Variants in RANBP2 observed in about 807,000 individuals in gnomAD.
The protein encoded by RANBP2 is RAN binding protein 2, also known as E3 SUMO-protein ligase RanBP2.
Under a neutral mutation model 303.6 loss-of-function variants are expected in RANBP2, and 57 were observed. The ratio of observed to expected loss-of-function variants is 0.19; its 90% CI spans 0.15 to 0.23. The LOEUF (loss-of-function observed/expected upper bound fraction) is 0.23. RANBP2 is among the 10% of genes least tolerant of loss of function. The pLI, the probability that RANBP2 is intolerant of heterozygous loss-of-function variation, is 1.00. For missense variants in RANBP2, 3,138 were observed against 3,780.8 expected (o/e 0.83, Z 4.46); for synonymous variants, 1,167 against 1,301.5 (o/e 0.90, Z 2.23).
At chr2:109,512,426 C>G in the RANBP2 span, among the ~76,000 whole-genome samples, 1 of 152,160 alleles carries the variant, frequency 6.6e-6, no homozygotes, top group Non-Finnish European at 1.5e-5. Flanking sequence ...CCTCCTGAGT[C>G]AAGCTCCAGG....
the RANBP2 span, among the ~76,000 whole-genome samples, chr2:109,267,014 A>G: frequency 7.9e-5 from 12 of 152,304 alleles, no homozygotes; most frequent in Non-Finnish European, 7.3e-5. Flanking sequence ...AGAACAAACA[A>G]TAATACCTGC....
the RANBP2 span, among the ~76,000 whole-genome samples, chr2:109,666,416 T>A: frequency 2.0e-5 from 3 of 152,206 alleles, no homozygotes; most frequent in Non-Finnish European, 4.4e-5. Flanking sequence ...ATGATAAATT[T>A]AAGGGCATAG....
chr2:109,134,108 TG>T, the RANBP2 span, among the ~76,000 whole-genome samples: 1 of 152,236 alleles, frequency 6.6e-6, no homozygotes, highest in Non-Finnish European at 1.5e-5. Flanking sequence ...TGCTGCATGC[TG>T]GGCACTTTGA....
chr2:109,320,077 T>C, the RANBP2 span, among the ~76,000 whole-genome samples: 2 of 152,220 alleles, frequency 1.3e-5, no homozygotes, highest in African/African-American at 2.4e-5. Context: ...GGGTGGCCTC[T>C]TATGGTCCCT....
chr2:109,511,529 T>G, the RANBP2 span, among the ~76,000 whole-genome samples: 1 of 152,216 alleles, frequency 6.6e-6, no homozygotes, highest in African/African-American at 2.4e-5. Flanking sequence ...TGAAGGTGCC[T>G]GGACCACATG....
At position 108,735,752 on chromosome 2, in the gene RANBP2, A is replaced by G. The variant is rs749468756; in HGVS notation, c.626A>G (p.Gln209Arg). ...TTAGAATGGAATTCGTGTGTTGTAC[A>G]GACCCTTAAGGTAGATAAAAGCTAT... ...SSLEWNSCVV[Q>R]TLKEYLESLQ... The change falls in exon 5 of 29, where the codon CAG (glutamine) becomes CGG (arginine). Residue 209 changes from glutamine to arginine, a missense_variant. This residue lies in a region of RANBP2 where 306 missense variants were observed against 381.9 expected (regional missense o/e 0.80). Coordinates refer to ENST00000283195, the MANE Select transcript of RANBP2 (RefSeq NM_006267.5). The G allele has an allele frequency of 6.3e-7, 1 of 1,597,624 alleles. No homozygotes were observed. Among genetic ancestry groups the G allele is most frequent in the Non-Finnish European group, 8.5e-7 (1 of 1,179,788 alleles).
chr2:109,450,156 G>C, the RANBP2 span, among the ~76,000 whole-genome samples: 2 of 151,972 alleles, frequency 1.3e-5, no homozygotes, highest in South Asian at 4.2e-4. Context: ...AACCAGCCTG[G>C]CCAACATGGC....
In RANBP2 at chr2:108,783,778, T is replaced by C. The variant is rs749026867; in HGVS notation, c.9552T>C (p.Phe3184=). 1.2e-5 allele frequency: 20 copies of C among 1,612,526 alleles called. No individual in the cohort carries two copies. Among genetic ancestry groups the C allele is most frequent in the East Asian group, 2.2e-5 (1 of 44,826 alleles). The change falls in exon 29 of 29, where the codon TTT becomes TTC. Residue 3184 remains phenylalanine, a synonymous_variant. Coordinates refer to ENST00000283195, the MANE Select transcript of RANBP2 (RefSeq NM_006267.5). ...ITLKKAEHLD[F]KHVVFGFVKD... ...TGAAGAAAGCAGAACATTTGGACTTTAAGCATGTAGTATTTGGGTTTGTTA... is the reference window on the plus strand; with the variant it reads ...TGAAGAAAGCAGAACATTTGGACTTCAAGCATGTAGTATTTGGGTTTGTTA...
the RANBP2 span, among the ~76,000 whole-genome samples, chr2:109,262,941 TTC>T: frequency 6.6e-6 from 1 of 152,170 alleles, no homozygotes; most frequent in Admixed American, 6.5e-5. Context: ...CCAGCAACTC[TTC>T]TGTCTCAGCC....
chr2:109,362,155 A>G, the RANBP2 span, among the ~76,000 whole-genome samples: 2 of 151,920 alleles, frequency 1.3e-5, 1 homozygote, highest in Middle Eastern at 6.3e-3. Flanking sequence ...GAAGATTTAG[A>G]TTATTTATTT....
At chr2:109,564,367 T>G in the RANBP2 span, 1 of 1,553,594 alleles carries the variant, frequency 6.4e-7, no homozygotes, top group African/African-American at 1.4e-5. Context: ...CCACCCTACC[T>G]GACTGGCTTG....
chr2:109,478,917 G>A, the RANBP2 span, among the ~76,000 whole-genome samples: 2 of 152,324 alleles, frequency 1.3e-5, no homozygotes, highest in Admixed American at 6.5e-5. Flanking sequence ...GGGAATTGGG[G>A]CAGGGCATGA....
At chr2:109,556,372 T>C in the RANBP2 span, among the ~76,000 whole-genome samples, 5 of 152,216 alleles carry the variant, frequency 3.3e-5, no homozygotes, top group African/African-American at 1.2e-4. Flanking sequence ...TTAAATCTTA[T>C]TAATCTTAAA....
At chr2:109,563,048 T>C in the RANBP2 span, among the ~76,000 whole-genome samples, 6 of 152,056 alleles carry the variant, frequency 3.9e-5, no homozygotes, top group African/African-American at 1.4e-4. Context: ...GTAGCTGGTT[T>C]TACAGAAGTG....
At chr2:109,667,186 T>G in the RANBP2 span, 3 of 1,317,122 alleles carry the variant, frequency 2.3e-6, no homozygotes, top group Non-Finnish European at 3.3e-6. Context: ...CCAAAAGCCT[T>G]GCAGAAAGCC....
At chr2:109,129,232 C>T in the RANBP2 span, 209 of 557,084 alleles carry the variant, frequency 3.8e-4, 1 homozygote, top group African/African-American at 3.0e-3. Flanking sequence ...TCGTGCCCGG[C>T]AGCACCCCCG....
chr2:109,130,739 G>T, the RANBP2 span, among the ~76,000 whole-genome samples: 1 of 152,160 alleles, frequency 6.6e-6, no homozygotes, highest in African/African-American at 2.4e-5. Context: ...CCCAGGCAGG[G>T]TTGCATTCCC....
the RANBP2 span, among the ~76,000 whole-genome samples, chr2:109,724,703 G>A: frequency 3.9e-5 from 6 of 152,216 alleles, no homozygotes; most frequent in South Asian, 6.2e-4. Flanking sequence ...TCAAATTGCC[G>A]GTTTTCTCGC....
the RANBP2 span, among the ~76,000 whole-genome samples, chr2:109,605,240 C>T: frequency 6.6e-6 from 1 of 152,056 alleles, no homozygotes; most frequent in Non-Finnish European, 1.5e-5. Flanking sequence ...CTAGTATGAT[C>T]AGGCAGATCA....
Sources: gnomAD v4.1 joint callset for allele counts (sites outside exome capture counted in the v4.1 genomes callset) on GRCh38, gnomAD v4.1.1 for gene constraint, gnomAD v4.1.1 regional missense constraint, MANE v1.5 for transcripts, NCBI Gene and HGNC (gene_info 2026-07-23, HGNC 2026-07-21) for gene names.